CTNNA2: variants seen among roughly 807,000 people sequenced by gnomAD.
The protein encoded by CTNNA2 is catenin alpha-2.
In CTNNA2, 42 loss-of-function variants were observed where a neutral mutation model predicts 101.0. The ratio of observed to expected loss-of-function variants is 0.42; its 90% CI spans 0.32 to 0.54. The LOEUF (loss-of-function observed/expected upper bound fraction) is 0.54. CTNNA2 is among the 20% of genes least tolerant of loss of function. The pLI, the probability that CTNNA2 is intolerant of heterozygous loss-of-function variation, is 0.14. For synonymous variants in CTNNA2, 450 were observed against 456.4 expected (o/e 0.99, Z 0.18); for missense variants, 871 against 1,223.1 (o/e 0.71, Z 4.29).
In CTNNA2 at chr2:80,405,353, A is replaced by G. The variant is rs548102358; in HGVS notation, c.1137+12062A>G. 2.0e-5 allele frequency among the ~76,000 whole-genome samples: 3 copies of G among 152,204 alleles called. No homozygotes were observed. The South Asian group carries it at 6.2e-4, about 32-fold the overall frequency. ...TGATATAAAACTCATAAGTTAGAAA[A>G]CCCTAGTGGGTTGACTCTGAAGCCT... On this transcript the variant is annotated intron_variant, in intron 8 of 18. Transcript: ENST00000402739.
chr2:79,787,086 G>A (rs13401716), intron 3 of CTNNA2, among the ~76,000 whole-genome samples: 27,285 of 151,978 alleles, frequency 0.18, 4,348 homozygotes, highest in African/African-American at 0.41. Flanking sequence ...TAATTATAAA[G>A]AATTGTGTCC....
At chr2:79,441,478 G>A (rs972092879) in intron 4 of CTNNA2, among the ~76,000 whole-genome samples, 1 of 151,992 alleles carries the variant, frequency 6.6e-6, no homozygotes, top group Non-Finnish European at 1.5e-5. Flanking sequence ...TATACCCAGG[G>A]ACTGAAGCAT....
chr2:79,393,980 A>G (rs1000357904), intron 4 of CTNNA2, among the ~76,000 whole-genome samples: 1 of 151,950 alleles, frequency 6.6e-6, no homozygotes, highest in Non-Finnish European at 1.5e-5. Context: ...CATTTAGTTC[A>G]ATTGCTGACA....
intron 7 of CTNNA2, among the ~76,000 whole-genome samples, chr2:80,086,418 G>T (rs1355237301): frequency 3.9e-5 from 6 of 152,076 alleles, no homozygotes; most frequent in Non-Finnish European, 7.4e-5. Flanking sequence ...AAACTAATGA[G>T]ATGGTAAACT....
intron 2 of CTNNA2, among the ~76,000 whole-genome samples, chr2:79,702,702 C>G (rs6755917): frequency 0.025 from 3,795 of 152,268 alleles, 149 homozygotes; most frequent in African/African-American, 0.085. Flanking sequence ...TTTGTTGACT[C>G]TGAGACTGTT....
intron 3 of CTNNA2, among the ~76,000 whole-genome samples, chr2:79,790,205 G>C (rs966284910): frequency 6.6e-6 from 1 of 152,096 alleles, no homozygotes; most frequent in South Asian, 2.1e-4. Flanking sequence ...CAAATGAAAC[G>C]CTGGGGAAGA....
At chr2:80,299,747 G>A (rs1036696322) in intron 7 of CTNNA2, 1 of 152,186 alleles carries the variant, frequency 6.6e-6, no homozygotes, top group African/African-American at 2.4e-5. Context: ...ATAAACTACA[G>A]TTTCCAATAT....
chr2:79,428,814 G>T (rs544265392), intron 4 of CTNNA2, among the ~76,000 whole-genome samples: 11 of 152,202 alleles, frequency 7.2e-5, no homozygotes, highest in African/African-American at 2.6e-4. Flanking sequence ...AGTCCCAATA[G>T]ACATTACACT....
chr2:80,243,309 A>C (rs1054213324), intron 7 of CTNNA2, among the ~76,000 whole-genome samples: 1 of 152,140 alleles, frequency 6.6e-6, no homozygotes, highest in East Asian at 1.9e-4. Flanking sequence ...ACATATTTAA[A>C]ATAAACAATT....
intron 7 of CTNNA2, among the ~76,000 whole-genome samples, chr2:80,372,811 C>T (rs1174551357): frequency 3.3e-5 from 5 of 152,050 alleles, no homozygotes; most frequent in South Asian, 2.1e-4. Context: ...CAGTTGTTCC[C>T]AAGTGGGAAA....
chr2:80,077,697 G>T (rs1462419910), intron 7 of CTNNA2, among the ~76,000 whole-genome samples: 1 of 151,790 alleles, frequency 6.6e-6, no homozygotes, highest in African/African-American at 2.4e-5. Flanking sequence ...AGTCTCAAAA[G>T]AATATATACT....
At position 80,612,728 on chromosome 2, in the gene CTNNA2, C is replaced by T. The variant is rs138030822; in HGVS notation, c.2430+4410C>T. 4.0e-5 allele frequency among the ~76,000 whole-genome samples: 6 copies of T among 151,500 alleles called. No homozygotes were observed. In the South Asian group the frequency reaches 8.3e-4, roughly 21 times the overall value. On this transcript the variant is annotated intron_variant, in intron 17 of 18. Transcript: ENST00000402739. Reference sequence around the variant, plus strand: ...TTGCATCTAATTGTGTAGACCTGTACATTAAGCAACCTTTTTTTCTTAATT... The same window carrying T: ...TTGCATCTAATTGTGTAGACCTGTATATTAAGCAACCTTTTTTTCTTAATT...
intron 2 of CTNNA2, among the ~76,000 whole-genome samples, chr2:79,235,923 C>T (rs1160275465): frequency 6.6e-6 from 1 of 152,076 alleles, no homozygotes; most frequent in Admixed American, 6.6e-5. Context: ...TCTGGGGCAA[C>T]AGGACGCTAC....
chr2:79,916,533 TCCCCTCCCCTC>T (rs1686219630), intron 7 of CTNNA2, among the ~76,000 whole-genome samples: 2 of 5,706 alleles, frequency 3.5e-4, no homozygotes, highest in Non-Finnish European at 5.6e-4. Context: ...TCCCCTCCCC[TCCCCTCCCCTC>T]CCCTCCCCTC....
At chr2:79,253,282 A>G (rs977149391) in intron 2 of CTNNA2, among the ~76,000 whole-genome samples, 42 of 152,184 alleles carry the variant, frequency 2.8e-4, no homozygotes, top group African/African-American at 9.9e-4. Flanking sequence ...CAGTGTTGGA[A>G]TATTTGCTGA....
chr2:79,839,841 A>G (rs1679668340), intron 3 of CTNNA2, among the ~76,000 whole-genome samples: 2 of 151,978 alleles, frequency 1.3e-5, no homozygotes, highest in Non-Finnish European at 1.5e-5. Flanking sequence ...TCTATCCTAT[A>G]CTTATATTAT....
At chr2:80,517,202 C>T (rs559216624) in intron 9 of CTNNA2, among the ~76,000 whole-genome samples, 2 of 152,326 alleles carry the variant, frequency 1.3e-5, no homozygotes, top group East Asian at 1.9e-4. Flanking sequence ...TGGAGGAAAG[C>T]ATTTGCACCC....
intron 12 of CTNNA2, among the ~76,000 whole-genome samples, chr2:80,559,956 T>G (rs1027474999): frequency 1.3e-5 from 2 of 150,244 alleles, no homozygotes; most frequent in Non-Finnish European, 3.0e-5. Flanking sequence ...TTTTGTAAAT[T>G]TGATAGCTGA....
At chr2:80,642,659 T>C (rs1673622436) in intron 18 of CTNNA2, among the ~76,000 whole-genome samples, 1 of 152,238 alleles carries the variant, frequency 6.6e-6, no homozygotes. Context: ...ACTGAACACC[T>C]GTTGCAGCAT....
Sources: gnomAD v4.1 joint callset for allele counts (sites outside exome capture counted in the v4.1 genomes callset) on GRCh38, gnomAD v4.1.1 for gene constraint, MANE v1.5 for transcripts, NCBI Gene and HGNC (gene_info 2026-07-23, HGNC 2026-07-21) for gene names.